The following ORC4 variants were observed in gnomAD, a reference collection of about 807,000 sequenced individuals.
The protein encoded by ORC4 is origin recognition complex, subunit 4 homolog.
A neutral mutation model predicts 63.9 loss-of-function variants in ORC4; 55 were observed. The ratio of observed to expected loss-of-function variants is 0.86; its 90% CI spans 0.69 to 1.08. The LOEUF is 1.08. Among genes scored for constraint, ORC4 ranks in the 50% least tolerant of loss-of-function variants. The probability of loss-of-function intolerance (pLI) is 0.00; values close to 1 mark genes in which losing one functional copy is unlikely to be tolerated. For missense variants in ORC4, 511 were observed against 504.4 expected, an observed-to-expected ratio of 1.01 and a Z score of -0.13; for synonymous variants, 150 against 168.5, an observed-to-expected ratio of 0.89 and a Z score of 0.85.
chr2:148,009,314 T>C (rs1468555730), intron 1 of ORC4, among the ~76,000 whole-genome samples: 6 of 152,048 alleles, frequency 3.9e-5, no homozygotes, highest in African/African-American at 1.4e-4. Context: ...CTATCAATAA[T>C]AATACTGAAT....
chr2:147,947,881 C>T (rs1688742263), intron 9 of ORC4, 170 bp downstream of exon 9: 2 of 548,602 alleles, frequency 3.6e-6, no homozygotes, highest in Non-Finnish European at 6.5e-6. Context: ...AATGACATTT[C>T]AACTGTCTAA....
rs1438213888 is a variant in ORC4, at chr2:147,939,147, A to G, written c.951T>C (p.Ile317=). The G allele has an allele frequency of 1.3e-6, 2 of 1,592,438 alleles. No homozygotes were observed. The highest frequency in any genetic ancestry group is 8.6e-7 in the Non-Finnish European group (1 of 1,160,350). ...QLCSMDSKAN[I]VHGLSVLEIC... is the part of the protein sequence containing the mutation. The stretch of plus-strand genomic sequence containing the variant: ...ATAAGGCTGGGTTCTCACCATGTAC[A>G]ATATTTGCTTTCGAGTCCATGCTAC... Residue 317 remains isoleucine (I), a synonymous_variant, in exon 11 of 14, where the codon ATT becomes ATC. Coordinates refer to ENST00000392857, the MANE Select transcript of ORC4 (RefSeq NM_181741.4).
Position 147,935,649 on chromosome 2 carries a change from G to A in ORC4, c.1172C>T (p.Thr391Ile), listed in dbSNP as rs1365368228. The A allele has an allele frequency of 6.2e-7, 1 of 1,613,550 alleles. No homozygotes were observed. The highest frequency in any genetic ancestry group is 1.7e-5 in the Admixed American group (1 of 59,996). The change falls in exon 14 of 14, where the codon ACT becomes ATT. Residue 391 changes from threonine (T) to isoleucine (I), a missense_variant. Thr to Ile is a moderately conservative substitution (Grantham distance 89). Coordinates refer to ENST00000392857, the MANE Select transcript of ORC4 (RefSeq NM_181741.4). ...QLELIKPMERTSGNSQREYQL... is the reference protein window; with the variant it reads ...QLELIKPMERISGNSQREYQL... The stretch of plus-strand genomic sequence containing the variant: ...GTACTCTCTCTGTGAATTTCCTGAA[G>A]TTCTTTCCATGGGCTTTATTAATTC...
intron 1 of ORC4, among the ~76,000 whole-genome samples, chr2:147,992,921 T>C (rs1348766298): frequency 6.6e-6 from 1 of 152,178 alleles, no homozygotes; most frequent in Non-Finnish European, 1.5e-5. Context: ...TGCCCTCATC[T>C]TTCTGTGTAA....
chr2:147,947,608 C>G (rs1484012690), intron 9 of ORC4: 2 of 154,062 alleles, frequency 1.3e-5, no homozygotes, highest in Non-Finnish European at 2.9e-5. Flanking sequence ...CCTCTTAAGG[C>G]CCAACAAAAT....
At chr2:147,973,263 T>G (rs140142667) in intron 3 of ORC4, among the ~76,000 whole-genome samples, 185 bp downstream of exon 3, 2 of 152,344 alleles carry the variant, frequency 1.3e-5, no homozygotes, top group African/African-American at 4.8e-5. Context: ...TATTGCATTA[T>G]GGAAATATTT....
intron 8 of ORC4, 99 bp downstream of exon 8, chr2:147,952,273 TA>T: frequency 1.1e-6 from 1 of 881,468 alleles, no homozygotes; most frequent in African/African-American, 1.7e-5. Flanking sequence ...ACAAAATTTT[TA>T]AAATGACCTA....
chr2:147,970,354 T>C (rs1027790974), intron 4 of ORC4, among the ~76,000 whole-genome samples: 1 of 152,118 alleles, frequency 6.6e-6, no homozygotes, highest in Admixed American at 6.5e-5. Context: ...AAAGTTAATA[T>C]GAAAAGGCAA....
intron 4 of ORC4, among the ~76,000 whole-genome samples, chr2:147,970,352 T>A: frequency 6.6e-6 from 1 of 152,130 alleles, no homozygotes; most frequent in Non-Finnish European, 1.5e-5. Flanking sequence ...CTAAAGTTAA[T>A]ATGAAAAGGC....
At chr2:148,015,307 A>ATTTTTTTTT (rs1158861758) in intron 1 of ORC4, among the ~76,000 whole-genome samples, 3 of 92,324 alleles carry the variant, frequency 3.2e-5, no homozygotes, top group East Asian at 3.3e-4. Context: ...TGATATTGGA[A>ATTTTTTTTT]TTTTTTTTTT....
intron 4 of ORC4, among the ~76,000 whole-genome samples, chr2:147,964,452 A>G (rs1689782092): frequency 1.3e-5 from 2 of 152,224 alleles, no homozygotes; most frequent in African/African-American, 4.8e-5. Context: ...TAAGACTTCA[A>G]TAAGTGAACA....
rs17225677 is a variant in ORC4, at chr2:147,934,664, A to G, written c.*846T>C. 4.0e-3 allele frequency: 605 copies of G among 152,268 alleles called. 2 individuals are homozygous for G. Among genetic ancestry groups the G allele is most frequent in the East Asian group, 8.3e-3 (43 of 5,176 alleles). The allele number at this position is 152,268 out of a possible 1,614,324, so 9.4% of individuals were successfully genotyped here. ...CAGATAGCCTAGCCTATTACTCTTC[A>G]GCTATAGCACTGTACAGAATGTTAC... On this transcript the variant is annotated 3_prime_UTR_variant, in exon 14 of 14. Coordinates refer to ENST00000392857, the MANE Select transcript of ORC4 (RefSeq NM_181741.4).
intron 1 of ORC4, among the ~76,000 whole-genome samples, chr2:148,013,488 G>A (rs1406817316): frequency 6.6e-6 from 1 of 151,842 alleles, no homozygotes; most frequent in Non-Finnish European, 1.5e-5. Context: ...TTAGATAGAA[G>A]GAATAAAATA....
intron 7 of ORC4, among the ~76,000 whole-genome samples, chr2:147,954,180 C>T (rs1477770717): frequency 2.6e-5 from 4 of 151,868 alleles, no homozygotes; most frequent in African/African-American, 9.7e-5. Context: ...GCAGAAAAGT[C>T]CAAACCAAAC....
intron 10 of ORC4, among the ~76,000 whole-genome samples, chr2:147,939,687 T>C (rs905270228): frequency 1.3e-5 from 2 of 152,120 alleles, no homozygotes; most frequent in African/African-American, 4.8e-5. Context: ...AGTTAGCTGT[T>C]TTATGTTCAA....
At chr2:147,993,511 C>G (rs1691749202) in intron 1 of ORC4, among the ~76,000 whole-genome samples, 1 of 152,096 alleles carries the variant, frequency 6.6e-6, no homozygotes, top group Non-Finnish European at 1.5e-5. Context: ...TCAGCTTATG[C>G]AAAAAGCACA....
At chr2:147,978,723 T>G (rs1453584704) in intron 1 of ORC4, among the ~76,000 whole-genome samples, 1 of 152,174 alleles carries the variant, frequency 6.6e-6, no homozygotes, top group African/African-American at 2.4e-5. Flanking sequence ...CAACAAATAC[T>G]GGCAAATCTA....
intron 4 of ORC4, among the ~76,000 whole-genome samples, chr2:147,966,071 GAACATTAAAAACTATACAAA>G (rs527976604): frequency 5.5e-4 from 83 of 151,970 alleles, no homozygotes; most frequent in African/African-American, 1.9e-3. Context: ...ATAATGACAG[GAACATTAAAAACTATACAAA>G]AATATGGAAA....
At chr2:147,938,683 A>T (rs1688196686) in intron 11 of ORC4, 1 of 380,482 alleles carries the variant, frequency 2.6e-6, no homozygotes, top group Non-Finnish European at 4.8e-6. Context: ...CACAGTAAAC[A>T]AAATAAACTT....
Sources: gnomAD v4.1 joint callset for allele counts (sites outside exome capture counted in the v4.1 genomes callset) on GRCh38, gnomAD v4.1.1 for gene constraint, MANE v1.5 for transcripts, NCBI Gene and HGNC (gene_info 2026-07-23, HGNC 2026-07-21) for gene names.